PLCL2: variants seen among roughly 807,000 people sequenced by gnomAD.
PLCL2 encodes inactive phospholipase C-like protein 2.
In PLCL2, 4 loss-of-function variants were observed where a neutral mutation model predicts 79.6. The ratio of observed to expected loss-of-function variants is 0.05; its 90% CI spans 0.02 to 0.11. The LOEUF (loss-of-function observed/expected upper bound fraction) is 0.11, where lower values mean the gene tolerates loss of function less well. Among genes scored for constraint, PLCL2 ranks in the 10% least tolerant of loss-of-function variants. The probability of loss-of-function intolerance (pLI) is 1.00; values close to 1 mark genes in which losing one functional copy is unlikely to be tolerated. For missense variants in PLCL2, 895 were observed against 1,291.0 expected, an observed-to-expected ratio of 0.69 and a Z score of 4.70; for synonymous variants, 484 against 457.7, an observed-to-expected ratio of 1.06 and a Z score of -0.73.
chr3:17,077,525 G>A (rs1317916031), intron 5 of PLCL2, among the ~76,000 whole-genome samples: 1 of 152,146 alleles, frequency 6.6e-6, no homozygotes, highest in African/African-American at 2.4e-5. Flanking sequence ...ATGTAGAATG[G>A]AAATTCTGTA....
At chr3:17,031,031 A>G (rs1201123984) in intron 3 of PLCL2, among the ~76,000 whole-genome samples, 5 of 152,202 alleles carry the variant, frequency 3.3e-5, no homozygotes, top group African/African-American at 1.2e-4. Context: ...AAGGGTCCTT[A>G]GTGACTTGAA....
At chr3:17,064,881 A>G (rs1307241376) in intron 4 of PLCL2, among the ~76,000 whole-genome samples, 3 of 148,856 alleles carry the variant, frequency 2.0e-5, no homozygotes, top group Non-Finnish European at 1.5e-5. Context: ...GTGAGCCGAG[A>G]TCACACCACT....
intron 4 of PLCL2, among the ~76,000 whole-genome samples, chr3:17,056,070 G>A (rs1264180079): frequency 6.6e-6 from 1 of 152,014 alleles, no homozygotes; most frequent in East Asian, 1.9e-4. Context: ...TAAACCCATG[G>A]AGTCTCTGAA....
chr3:16,910,190 T>A (rs1696845413), intron 1 of PLCL2, among the ~76,000 whole-genome samples: 1 of 152,220 alleles, frequency 6.6e-6, no homozygotes, highest in Admixed American at 6.5e-5. Flanking sequence ...CTGCACAATT[T>A]CTTTGCCCCC....
At chr3:16,918,054 A>G (rs537621637) in intron 1 of PLCL2, among the ~76,000 whole-genome samples, 2 of 152,324 alleles carry the variant, frequency 1.3e-5, no homozygotes, top group East Asian at 1.9e-4. Flanking sequence ...CTTTTTACCT[A>G]TGTATATTAC....
At chr3:16,894,166 AT>A (rs1380122924) in intron 1 of PLCL2, among the ~76,000 whole-genome samples, 1 of 152,116 alleles carries the variant, frequency 6.6e-6, no homozygotes, top group African/African-American at 2.4e-5. Flanking sequence ...TAGTAAATGT[AT>A]TTTTTCAAGT....
intron 1 of PLCL2, among the ~76,000 whole-genome samples, chr3:16,950,944 G>T (rs1410958970): frequency 1.3e-4 from 20 of 151,986 alleles, no homozygotes; most frequent in African/African-American, 2.4e-5. Flanking sequence ...AAGTTTGGAT[G>T]ATCTATGGTT....
intron 3 of PLCL2, 55 bp from the exon 4 acceptor site, chr3:17,042,819 C>A: frequency 8.2e-7 from 1 of 1,219,638 alleles, no homozygotes; most frequent in Non-Finnish European, 1.2e-6. Flanking sequence ...TGCATGAATG[C>A]AGGAGGGGAT....
intron 3 of PLCL2, 53 bp from the exon 4 acceptor site, chr3:17,042,821 G>A: frequency 8.1e-7 from 1 of 1,239,888 alleles, no homozygotes. Context: ...CATGAATGCA[G>A]GAGGGGATCT....
intron 4 of PLCL2, among the ~76,000 whole-genome samples, chr3:17,048,804 A>G (rs2064808755): frequency 6.6e-6 from 1 of 152,204 alleles, no homozygotes; most frequent in Non-Finnish European, 1.5e-5. Flanking sequence ...CAGTTACGGC[A>G]TATTATTCAT....
Position 16,901,046 on chromosome 3 carries a change from G to C in PLCL2, c.327+15680G>C, listed in dbSNP as rs148627799. ...GGAACTGAAGTTTAACGCCTTGATT[G>C]TGTGTTGCTGGCCCACTGTTACTTA... On this transcript the variant is annotated intron_variant, in intron 1 of 5. Transcript: ENST00000615277. Among the ~76,000 whole-genome samples the C allele has an allele frequency of 7.2e-4, 109 of 152,304 alleles. 1 individual carries two copies. Among genetic ancestry groups the C allele is most frequent in the African/African-American group, 2.5e-3 (105 of 41,570 alleles).
At chr3:16,910,850 T>C (rs1264888558) in intron 1 of PLCL2, among the ~76,000 whole-genome samples, 1 of 152,190 alleles carries the variant, frequency 6.6e-6, no homozygotes, top group African/African-American at 2.4e-5. Flanking sequence ...GAGTCATCCT[T>C]GACTCCTTTC....
intron 1 of PLCL2, among the ~76,000 whole-genome samples, chr3:16,924,964 C>T (rs187269007): frequency 6.6e-6 from 1 of 151,508 alleles, no homozygotes; most frequent in African/African-American, 2.4e-5. Context: ...CGCTCTGTCA[C>T]CCAGGCTGGA....
intron 3 of PLCL2, among the ~76,000 whole-genome samples, chr3:17,039,811 A>C (rs1435774462): frequency 6.6e-6 from 1 of 152,172 alleles, no homozygotes; most frequent in African/African-American, 2.4e-5. Flanking sequence ...CTCCACCCTG[A>C]AGTATTAGTC....
rs533511802 is a variant in PLCL2 at position 16,907,842 on chromosome 3, C to T, written c.327+22476C>T. Among the ~76,000 whole-genome samples, 3 of 152,092 alleles carry T rather than the reference C, an allele frequency of 2.0e-5. No individual in the cohort carries two copies. The East Asian group carries it at 5.8e-4, about 29-fold the overall frequency. On this transcript the variant is annotated intron_variant, in intron 1 of 5. Coordinates refer to ENST00000615277, the MANE Select transcript of PLCL2 (RefSeq NM_001144382.2). ...AGTAGAATTTGGTTGTTTGCTTTAC[C>T]TGCCTTCATAATGACTGCACGAAAG... is the stretch of plus-strand genomic sequence containing the variant.
At chr3:16,967,494 G>T (rs1037439601) in intron 1 of PLCL2, among the ~76,000 whole-genome samples, 1 of 152,072 alleles carries the variant, frequency 6.6e-6, no homozygotes, top group Non-Finnish European at 1.5e-5. Flanking sequence ...TTGTGGTTTT[G>T]ATTTGCATTT....
At chr3:16,971,397 G>A (rs1010314189) in intron 1 of PLCL2, among the ~76,000 whole-genome samples, 1 of 152,048 alleles carries the variant, frequency 6.6e-6, no homozygotes, top group African/African-American at 2.4e-5. Flanking sequence ...ATTTCTGAGG[G>A]CTCTGTTCTG....
At chr3:16,975,630 C>T (rs1454094703) in intron 1 of PLCL2, among the ~76,000 whole-genome samples, 1 of 152,068 alleles carries the variant, frequency 6.6e-6, no homozygotes, top group Non-Finnish European at 1.5e-5. Flanking sequence ...GGAATTATAC[C>T]ATGGCGGTTC....
intron 1 of PLCL2, among the ~76,000 whole-genome samples, chr3:16,991,926 G>A (rs1205568674): frequency 6.6e-6 from 1 of 152,124 alleles, no homozygotes; most frequent in Non-Finnish European, 1.5e-5. Context: ...AGGGAGGAGG[G>A]GAGATGATTC....
Sources: gnomAD v4.1 joint callset for allele counts (sites outside exome capture counted in the v4.1 genomes callset) on GRCh38, gnomAD v4.1.1 for gene constraint, MANE v1.5 for transcripts, NCBI Gene and HGNC (gene_info 2026-07-23, HGNC 2026-07-21) for gene names.